The following PLEKHA2 variants were observed in gnomAD, a reference collection of about 807,000 sequenced individuals.
PLEKHA2 encodes pleckstrin homology domain containing A2, also known as pleckstrin homology domain-containing family A member 2.
PLEKHA2 carries 28 observed loss-of-function variants against 53.2 expected under a neutral mutation model. The ratio of observed to expected loss-of-function variants is 0.53; its 90% CI spans 0.39 to 0.72. PLEKHA2 has a LOEUF of 0.72. PLEKHA2 is among the 30% of genes least tolerant of loss of function. PLEKHA2 has a pLI of 0.00. For synonymous variants in PLEKHA2, 193 were observed against 196.4 expected, an observed-to-expected ratio of 0.98 and a Z score of 0.14; for missense variants, 426 against 537.9, an observed-to-expected ratio of 0.79 and a Z score of 2.06.
intron 5 of PLEKHA2, among the ~76,000 whole-genome samples, chr8:38,949,114 G>A (rs7815786): frequency 0.74 from 113,099 of 151,952 alleles, 42,700 homozygotes; most frequent in Middle Eastern, 0.88. Flanking sequence ...CAGGTGATCC[G>A]CCCGCCTCGG....
At chr8:38,930,578 T>G (rs1162517944) in intron 2 of PLEKHA2, among the ~76,000 whole-genome samples, 1 of 152,174 alleles carries the variant, frequency 6.6e-6, no homozygotes, top group African/African-American at 2.4e-5. Context: ...GTCCACCAAA[T>G]GTACAGACCA....
intron 8 of PLEKHA2, among the ~76,000 whole-genome samples, 153 bp from the exon 9 acceptor site, chr8:38,953,144 T>C (rs75034339): frequency 6.6e-6 from 1 of 151,542 alleles, no homozygotes; most frequent in Admixed American, 6.6e-5. Context: ...CCCAGCCAGA[T>C]TTTTTTTTCT....
chr8:38,948,963 T>C (rs1440468593), intron 5 of PLEKHA2, among the ~76,000 whole-genome samples: 1 of 152,098 alleles, frequency 6.6e-6, no homozygotes, highest in African/African-American at 2.4e-5. Context: ...CTCTGCCTTC[T>C]GGGTTCAAGC....
chr8:38,965,626 T>TA (rs1835122030), intron 10 of PLEKHA2, among the ~76,000 whole-genome samples: 1 of 152,210 alleles, frequency 6.6e-6, no homozygotes, highest in Non-Finnish European at 1.5e-5. Context: ...ACCTTTTTTT[T>TA]AACCTCCAAA....
intron 10 of PLEKHA2, among the ~76,000 whole-genome samples, chr8:38,963,835 T>C: frequency 6.6e-6 from 1 of 152,118 alleles, no homozygotes; most frequent in East Asian, 1.9e-4. Context: ...ATGGCTGAGT[T>C]ACTATCTAGG....
At chr8:38,963,762 A>G (rs1201810581) in intron 10 of PLEKHA2, among the ~76,000 whole-genome samples, 1 of 152,222 alleles carries the variant, frequency 6.6e-6, no homozygotes, top group South Asian at 2.1e-4. Context: ...TCATTGCAAT[A>G]TCTGATTTTC....
At chr8:38,918,723 C>T (rs928321235) in intron 2 of PLEKHA2, among the ~76,000 whole-genome samples, 1 of 150,022 alleles carries the variant, frequency 6.7e-6, no homozygotes, top group African/African-American at 2.5e-5. Context: ...ACCTCATACA[C>T]ATGCAGACAC....
intron 4 of PLEKHA2, among the ~76,000 whole-genome samples, chr8:38,945,766 C>T (rs190571658): frequency 3.9e-4 from 60 of 152,240 alleles, no homozygotes; most frequent in South Asian, 2.5e-3. Flanking sequence ...CTGTATATAC[C>T]GTGATGACAG....
Position 38,943,805 on chromosome 8 carries a change from C to A in PLEKHA2, c.215C>A (p.Pro72Gln). The A allele has an allele frequency of 6.3e-7, 1 of 1,579,240 alleles. No homozygotes were observed. Among genetic ancestry groups the A allele is most frequent in the Admixed American group, 1.8e-5 (1 of 54,562 alleles). ...TYISKVSIAT[P>Q]KQKPKTPFCF... The stretch of plus-strand genomic sequence containing the variant: ...TTGATTTAGGTGAGCATAGCTACCC[C>A]AAAACAGAAACCAAAAACTCCATTT... The change falls in exon 4 of 12, where the codon CCA becomes CAA. Residue 72 changes from proline to glutamine, a missense_variant. Coordinates refer to ENST00000617275, the MANE Select transcript of PLEKHA2 (RefSeq NM_021623.2).
intron 2 of PLEKHA2, among the ~76,000 whole-genome samples, chr8:38,924,329 CG>C (rs1564116275): frequency 6.6e-6 from 1 of 151,988 alleles, no homozygotes; most frequent in Non-Finnish European, 1.5e-5. Context: ...GACCCTGAGA[CG>C]AGGAGTCAGG....
chr8:38,923,611 C>T (rs77577881), intron 2 of PLEKHA2, among the ~76,000 whole-genome samples: 2,989 of 152,200 alleles, frequency 0.02, 43 homozygotes, highest in Middle Eastern at 0.037. Context: ...ATTTGTTCAG[C>T]GTGCCAGATG....
chr8:38,913,888 C>G (rs1833992002), intron 1 of PLEKHA2, among the ~76,000 whole-genome samples: 1 of 152,178 alleles, frequency 6.6e-6, no homozygotes, highest in African/African-American at 2.4e-5. Flanking sequence ...CAAACTTGCT[C>G]CATTGTGAAA....
intron 2 of PLEKHA2, among the ~76,000 whole-genome samples, chr8:38,930,921 T>A (rs1834381597): frequency 6.6e-6 from 1 of 152,230 alleles, no homozygotes; most frequent in South Asian, 2.1e-4. Flanking sequence ...GGCAGGTGCC[T>A]GGGTATCCCA....
intron 2 of PLEKHA2, among the ~76,000 whole-genome samples, chr8:38,928,567 T>C (rs1025323556): frequency 3.3e-5 from 5 of 152,032 alleles, no homozygotes; most frequent in Admixed American, 2.0e-4. Flanking sequence ...TCTTTAAGTC[T>C]CTGTCACCAG....
In PLEKHA2 at chr8:38,936,003, A is replaced by G. The variant is rs765042900; in HGVS notation, c.151A>G (p.Met51Val). ...WYMDNPQNLA[M>V]GAGAVGALQL... ...ACTATGTGTCTTTCAGAATCTGGCA[A>G]TGGGGGCAGGAGCTGTTGGAGCTTT... Residue 51 changes from methionine to valine, a missense_variant, in exon 3 of 12, where the codon ATG (methionine) becomes GTG (valine). Coordinates refer to ENST00000617275, the MANE Select transcript of PLEKHA2 (RefSeq NM_021623.2). 7 of 1,613,438 alleles carry G rather than the reference A, an allele frequency of 4.3e-6. No homozygotes were observed. In the South Asian group the frequency reaches 6.6e-5, roughly 15 times the overall value.
chr8:38,952,326 CAG>C lies in PLEKHA2; in HGVS notation c.633+15_633+16del. ...CAAGGGAATGTGGTGAGTGTCAGCA[CAG>C]GGGCTGAATTGGGGTTCTGGTGACT... On this transcript the variant is annotated intron_variant, in intron 7 of 11. Transcript: ENST00000617275. 2 of 1,610,594 alleles carry C rather than the reference CAG, an allele frequency of 1.2e-6. No homozygotes were observed. Among genetic ancestry groups the C allele is most frequent in the African/African-American group, 2.7e-5 (2 of 75,012 alleles).
intron 5 of PLEKHA2, among the ~76,000 whole-genome samples, chr8:38,948,329 A>G (rs1564141040): frequency 6.6e-6 from 1 of 152,186 alleles, no homozygotes. Flanking sequence ...GAGCCAAATC[A>G]CTTAATTTTA....
chr8:38,970,056 C>T lies in PLEKHA2; in HGVS notation c.*273C>T, dbSNP rs1191546643. On this transcript the variant is annotated 3_prime_UTR_variant, in exon 12 of 12. Transcript: ENST00000617275. ...GCATACTCAGTGGAGAGGAAGCTAC[C>T]TATTCTATTCTAACTATTCTGAGGT... The T allele has an allele frequency of 3.7e-6, 2 of 544,418 alleles. No individual in the cohort carries two copies. Among genetic ancestry groups the T allele is most frequent in the Non-Finnish European group, 6.4e-6 (2 of 314,050 alleles). 33.7% of individuals were successfully genotyped at this position (544,418 alleles called of 1,614,324 possible).
At chr8:38,908,110 A>G (rs1181407213) in intron 1 of PLEKHA2, among the ~76,000 whole-genome samples, 1 of 152,210 alleles carries the variant, frequency 6.6e-6, no homozygotes, top group Non-Finnish European at 1.5e-5. Context: ...TCCTTTTCCC[A>G]GAGCACTTTT....
Sources: gnomAD v4.1 joint callset for allele counts (sites outside exome capture counted in the v4.1 genomes callset) on GRCh38, gnomAD v4.1.1 for gene constraint, MANE v1.5 for transcripts, NCBI Gene and HGNC (gene_info 2026-07-23, HGNC 2026-07-21) for gene names.